The following CDH13 variants were observed in gnomAD, a reference collection of about 807,000 sequenced individuals.
The protein encoded by CDH13 is cadherin 13, also known as cadherin-13.
A neutral mutation model predicts 63.8 loss-of-function variants in CDH13; 24 were observed. The observed-to-expected ratio is 0.38, with a 90% CI of 0.27 to 0.53. The LOEUF is 0.53. Ranked by LOEUF, CDH13 falls within the 20% of genes least tolerant of loss-of-function variation. CDH13 has a pLI of 0.85. For missense variants in CDH13, 1,049 were observed against 903.1 expected (o/e 1.16, Z -2.07); for synonymous variants, 503 against 355.3 (o/e 1.42, Z -4.67).
chr16:83,198,586 A>C (rs1443671624), intron 4 of CDH13, among the ~76,000 whole-genome samples: 1 of 152,190 alleles, frequency 6.6e-6, no homozygotes, highest in Non-Finnish European at 1.5e-5. Context: ...TAGACAAAAT[A>C]ATGAGAAAGG....
At position 83,040,486 on chromosome 16, in the gene CDH13, A is replaced by G. The variant is rs570150474; in HGVS notation, c.366+8268A>G. Among the ~76,000 whole-genome samples, 48 of 152,292 alleles carry G rather than the reference A, an allele frequency of 3.2e-4. No homozygotes were observed. The East Asian group carries it at 8.2e-3, about 26-fold the overall frequency. On this transcript the variant is annotated intron_variant, in intron 3 of 13. Coordinates refer to ENST00000567109, the MANE Select transcript of CDH13 (RefSeq NM_001257.5). ...CTGGCAAATCTCTGGTGTAAGTCCA[A>G]CAGTCCAAAAGCTGAAGAACTTGGA...
chr16:82,882,690 C>T (rs767767900), intron 2 of CDH13, among the ~76,000 whole-genome samples: 2 of 151,564 alleles, frequency 1.3e-5, no homozygotes, highest in African/African-American at 4.9e-5. Context: ...CCCTTTCTTC[C>T]TTCCTTTTAG....
chr16:83,148,669 G>T (rs1271310571), intron 4 of CDH13, among the ~76,000 whole-genome samples: 2 of 152,106 alleles, frequency 1.3e-5, no homozygotes, highest in Non-Finnish European at 2.9e-5. Flanking sequence ...ATTGCAGTAT[G>T]GTGTTATTAT....
chr16:83,074,281 T>C (rs1196432025), intron 3 of CDH13, among the ~76,000 whole-genome samples: 5 of 152,242 alleles, frequency 3.3e-5, no homozygotes, highest in Non-Finnish European at 7.3e-5. Context: ...TTGACATAAC[T>C]ATCTCCAGTT....
chr16:83,453,941 C>T (rs989806270), intron 6 of CDH13, among the ~76,000 whole-genome samples: 1 of 152,214 alleles, frequency 6.6e-6, no homozygotes, highest in East Asian at 1.9e-4. Context: ...TGCTGTGCTC[C>T]TGCCTTCCCA....
At chr16:82,630,418 A>C (rs549563545) in intron 1 of CDH13, among the ~76,000 whole-genome samples, 5 of 152,314 alleles carry the variant, frequency 3.3e-5, no homozygotes, top group Non-Finnish European at 5.9e-5. Context: ...CACAGTCTAT[A>C]CTAAAAGCCC....
chr16:83,248,882 G>T (rs1276971210), intron 5 of CDH13, among the ~76,000 whole-genome samples: 1 of 152,176 alleles, frequency 6.6e-6, no homozygotes, highest in Non-Finnish European at 1.5e-5. Context: ...CCTCAAATGT[G>T]ATGTGATGTG....
chr16:82,879,275 T>C (rs2040610522), intron 2 of CDH13, among the ~76,000 whole-genome samples: 1 of 151,952 alleles, frequency 6.6e-6, no homozygotes, highest in Non-Finnish European at 1.5e-5. Flanking sequence ...CTCTGCACTT[T>C]AGGTTTCTTT....
intron 1 of CDH13, among the ~76,000 whole-genome samples, chr16:82,815,472 G>C (rs1206053274): frequency 6.6e-6 from 1 of 152,160 alleles, no homozygotes; most frequent in African/African-American, 2.4e-5. Flanking sequence ...TGTGTGTCAG[G>C]TGCTCAGAAC....
At chr16:83,725,632 G>A (rs573277698) in intron 10 of CDH13, 16 of 152,338 alleles carry the variant, frequency 1.1e-4, no homozygotes, top group African/African-American at 3.4e-4. Flanking sequence ...TTGTCAGAAC[G>A]TTAAACAACC....
chr16:83,450,407 T>G (rs938728445), intron 6 of CDH13, among the ~76,000 whole-genome samples: 34 of 152,152 alleles, frequency 2.2e-4, no homozygotes, highest in African/African-American at 8.0e-4. Context: ...ATGGGTGGTG[T>G]TGTGGGGGAC....
chr16:83,080,114 G>A (rs1023422706), intron 3 of CDH13, among the ~76,000 whole-genome samples: 2 of 152,158 alleles, frequency 1.3e-5, no homozygotes, highest in African/African-American at 4.8e-5. Flanking sequence ...GGTCAAGGAG[G>A]TTTTGCCTTT....
At chr16:83,351,484 T>C (rs1021839200) in intron 6 of CDH13, among the ~76,000 whole-genome samples, 2 of 152,174 alleles carry the variant, frequency 1.3e-5, no homozygotes, top group African/African-American at 4.8e-5. Context: ...TTTTACAGAA[T>C]GGGAGCTCTA....
intron 3 of CDH13, among the ~76,000 whole-genome samples, chr16:83,073,587 T>G (rs2032610936): frequency 1.3e-5 from 2 of 152,126 alleles, no homozygotes; most frequent in South Asian, 4.2e-4. Flanking sequence ...ACAGCTGCAT[T>G]TAAAGAAGCT....
chr16:82,729,889 C>G (rs1193849363), intron 1 of CDH13, among the ~76,000 whole-genome samples: 1 of 152,218 alleles, frequency 6.6e-6, no homozygotes, highest in African/African-American at 2.4e-5. Flanking sequence ...TACATCAGCT[C>G]TTGCTGCTTC....
intron 6 of CDH13, among the ~76,000 whole-genome samples, chr16:83,369,318 T>C (rs75643789): frequency 0.03 from 4,524 of 152,196 alleles, 152 homozygotes; most frequent in African/African-American, 0.079. Context: ...TGTTTTTTTT[T>C]CCTGAACACA....
intron 7 of CDH13, among the ~76,000 whole-genome samples, chr16:83,509,672 C>A (rs960233177): frequency 2.0e-5 from 3 of 151,996 alleles, no homozygotes; most frequent in African/African-American, 7.3e-5. Flanking sequence ...GAGTGGGAAA[C>A]CAGAGGGAAT....
At chr16:82,659,305 C>A (rs1038406775) in intron 1 of CDH13, among the ~76,000 whole-genome samples, 1 of 151,346 alleles carries the variant, frequency 6.6e-6, no homozygotes, top group Non-Finnish European at 1.5e-5. Context: ...GGTAGAAACA[C>A]GTAACTCATA....
At chr16:82,992,124 A>G (rs925433876) in intron 2 of CDH13, among the ~76,000 whole-genome samples, 4 of 152,198 alleles carry the variant, frequency 2.6e-5, no homozygotes, top group Non-Finnish European at 5.9e-5. Flanking sequence ...ACTTCCTCAT[A>G]CTTTAATAGG....
Sources: gnomAD v4.1 joint callset for allele counts (sites outside exome capture counted in the v4.1 genomes callset) on GRCh38, gnomAD v4.1.1 for gene constraint, MANE v1.5 for transcripts, NCBI Gene and HGNC (gene_info 2026-07-23, HGNC 2026-07-21) for gene names.